Variants in SPG11 observed in about 807,000 individuals in gnomAD.
SPG11 encodes the protein SPG11 vesicle trafficking associated, spatacsin, also known as spatacsin.
SPG11 carries 222 observed loss-of-function variants against 274.0 expected under a neutral mutation model. The observed-to-expected ratio is 0.81, with a 90% CI of 0.73 to 0.91. The LOEUF is 0.91. SPG11 is among the 40% of genes least tolerant of loss of function. The pLI is 0.00. For missense variants in SPG11, 3,114 were observed against 2,872.7 expected (o/e 1.08, Z -1.92); for synonymous variants, 1,144 against 1,039.7 (o/e 1.10, Z -1.93).
chr15:44,620,579 T>C (rs1287052691), intron 14 of SPG11, 176 bp from the exon 15 acceptor site: 1 of 589,822 alleles, frequency 1.7e-6, no homozygotes, highest in Non-Finnish European at 2.9e-6. Flanking sequence ...TCTCGCTGTG[T>C]TGCCCAGGCT....
chr15:44,594,657 G>C (rs1472476865), intron 26 of SPG11, among the ~76,000 whole-genome samples: 3 of 151,690 alleles, frequency 2.0e-5, no homozygotes, highest in Non-Finnish European at 4.4e-5. Context: ...TAGCCATCTG[G>C]GAGGCTGAGT....
Position 44,651,713 on chromosome 15 carries a change from A to C in SPG11, c.1234T>G (p.Ser412Ala). The C allele has an allele frequency of 6.2e-7, 1 of 1,614,194 alleles. No individual in the cohort carries two copies. Among genetic ancestry groups the C allele is most frequent in the South Asian group, 1.1e-5 (1 of 91,086 alleles). Residue 412 changes from serine to alanine, a missense_variant, in exon 6 of 40, where the codon TCA becomes GCA. Physicochemically the swap from Ser to Ala is moderately conservative, Grantham distance 99 (BLOSUM62 1). Transcript: ENST00000261866. ...DHAKTSDPGR[S>A]WKIMHISEQE... ...TCACTGATGTGCATTATTTTCCATG[A>C]TCTTCCTGGATCACTGGTCTTGGCA...
chr15:44,591,197 G>C (rs1033614569), intron 27 of SPG11, among the ~76,000 whole-genome samples: 1 of 152,144 alleles, frequency 6.6e-6, no homozygotes, highest in Non-Finnish European at 1.5e-5. Context: ...AGTTGTTTAA[G>C]GGAATTATTA....
chr15:44,648,836 G>C (rs960119781), intron 7 of SPG11, 30 bp downstream of exon 7: 2 of 1,607,866 alleles, frequency 1.2e-6, no homozygotes, highest in Non-Finnish European at 1.7e-6. Flanking sequence ...AAATAATTAA[G>C]TAATGTTCTT....
At position 44,583,867 on chromosome 15, in the gene SPG11, G is replaced by A. The variant is rs771873356; in HGVS notation, c.5813C>T (p.Ala1938Val). ...HPEIHALLQSAELLEEEAPDI... is the reference protein window; with the variant it reads ...HPEIHALLQSVELLEEEAPDI... ...GGGTGCTTCTTCCTCAAGCAGCTCA[G>A]CACTTTGTAGGAGAGCATGGATCTC... Residue 1938 changes from alanine (A) to valine (V), a missense_variant, in exon 30 of 40, where the codon GCT becomes GTT. Transcript: ENST00000261866. 6.2e-7 allele frequency: 1 copy of A among 1,614,220 alleles called. No individual in the cohort carries two copies. Among genetic ancestry groups the A allele is most frequent in the East Asian group, 2.2e-5 (1 of 44,886 alleles).
At chr15:44,578,169 C>T (rs1170227659) in intron 30 of SPG11, among the ~76,000 whole-genome samples, 1 of 150,908 alleles carries the variant, frequency 6.6e-6, no homozygotes, top group Non-Finnish European at 1.5e-5. Flanking sequence ...GGACTATAGG[C>T]GCCCGCCACC....
In SPG11 at chr15:44,570,540, C is replaced by T. The variant is rs1470527152; in HGVS notation, c.6462G>A (p.Glu2154=). Residue 2154 remains glutamate, a synonymous_variant, in exon 34 of 40, where the codon GAG becomes GAA. Transcript: ENST00000261866. Reference sequence around the variant, plus strand: ...GGCTACTTACCACCAGCCCATACTCCTCACTGGGGGCCAGGTGGTTATCTG... The same window carrying T: ...GGCTACTTACCACCAGCCCATACTCTTCACTGGGGGCCAGGTGGTTATCTG... ...MLTDNHLAPS[E]EYGLVVRLLT... 1.9e-6 allele frequency: 3 copies of T among 1,614,102 alleles called. No individual in the cohort carries two copies. The highest frequency in any genetic ancestry group is 1.1e-5 in the South Asian group (1 of 91,078).
chr15:44,614,662 T>C (rs536587649), intron 16 of SPG11, among the ~76,000 whole-genome samples: 1 of 152,368 alleles, frequency 6.6e-6, no homozygotes, highest in South Asian at 2.1e-4. Context: ...AGTAACATAC[T>C]TAGTCTCTCT....
In SPG11 at chr15:44,630,057, G is replaced by A. The variant is rs202174762; in HGVS notation, c.1736-669C>T. On this transcript the variant is annotated intron_variant, in intron 8 of 39. Transcript: ENST00000261866. ...CCGTACTCCAGCAGCCTGGGCAACAGAGTGAAAAAAGAAAAAGTAAGTGGC... is the reference window on the plus strand; with the variant it reads ...CCGTACTCCAGCAGCCTGGGCAACAAAGTGAAAAAAGAAAAAGTAAGTGGC... Among the ~76,000 whole-genome samples the A allele has an allele frequency of 4.0e-5, 6 of 151,554 alleles. No individual in the cohort carries two copies. In the East Asian group the frequency reaches 1.2e-3, roughly 29 times the overall value.
At chr15:44,599,970 C>T (rs370552085) in intron 21 of SPG11, among the ~76,000 whole-genome samples, 3 of 152,128 alleles carry the variant, frequency 2.0e-5, no homozygotes, top group Non-Finnish European at 4.4e-5. Flanking sequence ...TTTTAAGCCC[C>T]GCATGCATTA....
chr15:44,593,164 C>T (rs1297703849), intron 26 of SPG11, among the ~76,000 whole-genome samples: 1 of 152,066 alleles, frequency 6.6e-6, no homozygotes, highest in Non-Finnish European at 1.5e-5. Flanking sequence ...GGAAGCATTC[C>T]ACTAGATGGT....
rs1160714121 is a variant in SPG11, at chr15:44,563,241, ATATGTGAG to A, written c.7204_7211del (p.Thr2403Ter). On this transcript the variant is annotated frameshift_variant, in exon 40 of 40. Coordinates refer to ENST00000261866, the MANE Select transcript of SPG11 (RefSeq NM_025137.4). LOFTEE classifies it high-confidence loss of function. Reference sequence around the variant, plus strand: ...TGTAATACAGGTAAACATCTTCACAATATGTGAGTAATTTCTTCAGGTTTTCCATGACC... The same window carrying A: ...TGTAATACAGGTAAACATCTTCACAATAATTTCTTCAGGTTTTCCATGACC... The A allele has an allele frequency of 1.2e-6, 2 of 1,613,962 alleles. No individual in the cohort carries two copies. Among genetic ancestry groups the A allele is most frequent in the African/African-American group, 2.7e-5 (2 of 74,938 alleles).
At chr15:44,577,502 C>CAAAAAAAAAA (rs755097423) in intron 30 of SPG11, among the ~76,000 whole-genome samples, 1 of 91,708 alleles carries the variant, frequency 1.1e-5, no homozygotes, top group East Asian at 2.9e-4. Context: ...GGCCCTATCT[C>CAAAAAAAAAA]AAAAAAAAAA....
Position 44,600,652 on chromosome 15 carries a change from A to C in SPG11, c.3521-20T>G. 6.2e-7 allele frequency: 1 copy of C among 1,610,634 alleles called. No homozygotes were observed. Among genetic ancestry groups the C allele is most frequent in the Non-Finnish European group, 8.5e-7 (1 of 1,177,226 alleles). On this transcript the variant is annotated intron_variant, in intron 20 of 39. Coordinates refer to ENST00000261866, the MANE Select transcript of SPG11 (RefSeq NM_025137.4). ...ATGCATCTAGGGGGAAAGTAAAACA[A>C]TATTAATTATCTGTATATCACCATA... is the stretch of plus-strand genomic sequence containing the variant.
chr15:44,615,952 A>T (rs1215322382), intron 15 of SPG11, among the ~76,000 whole-genome samples: 2 of 152,360 alleles, frequency 1.3e-5, no homozygotes, highest in Non-Finnish European at 2.9e-5. Context: ...ACATCAGAAT[A>T]ATTTAAATAG....
intron 21 of SPG11, among the ~76,000 whole-genome samples, chr15:44,599,386 G>A (rs747301684): frequency 1.3e-5 from 2 of 152,054 alleles, no homozygotes; most frequent in Non-Finnish European, 2.9e-5. Flanking sequence ...TTCAACCTCT[G>A]CCTCCCGGGT....
chr15:44,628,396 T>G (rs1210070098), intron 10 of SPG11, among the ~76,000 whole-genome samples: 4 of 152,216 alleles, frequency 2.6e-5, no homozygotes, highest in Non-Finnish European at 5.9e-5. Flanking sequence ...GAGTACCACT[T>G]CACATGGGTT....
rs1555451521 is a variant in SPG11, at chr15:44,598,714, A to G, written c.3809T>C (p.Val1270Ala). The G allele has an allele frequency of 6.2e-7, 1 of 1,614,118 alleles. No homozygotes were observed. The highest frequency in any genetic ancestry group is 8.5e-7 in the Non-Finnish European group (1 of 1,180,008). Residue 1270 changes from valine (V) to alanine (A), a missense_variant, in exon 22 of 40, where the codon GTT (valine) becomes GCT (alanine). Physicochemically the swap from Val to Ala is moderately conservative, Grantham distance 64 (BLOSUM62 0). Transcript: ENST00000261866. ...AATTATATTGGCCACTTTCATATCAACTCTGAGCTTGAGGCTGTCAAGGCC... is the reference window on the plus strand; with the variant it reads ...AATTATATTGGCCACTTTCATATCAGCTCTGAGCTTGAGGCTGTCAAGGCC... ...LLGLDSLKLR[V>A]DMKVANIILS... is the part of the protein sequence containing the mutation.
At chr15:44,577,320 CAGTG>C (rs910779060) in intron 30 of SPG11, among the ~76,000 whole-genome samples, 5 of 151,518 alleles carry the variant, frequency 3.3e-5, no homozygotes, top group Non-Finnish European at 7.4e-5. Context: ...CTGGGCAACA[CAGTG>C]AGCCCCCACT....
Sources: gnomAD v4.1 joint callset for allele counts (sites outside exome capture counted in the v4.1 genomes callset) on GRCh38, gnomAD v4.1.1 for gene constraint, MANE v1.5 for transcripts, NCBI Gene and HGNC (gene_info 2026-07-23, HGNC 2026-07-21) for gene names.